PLEKHM3: variants seen among roughly 807,000 people sequenced by gnomAD.
PLEKHM3 encodes pleckstrin homology domain containing M3.
PLEKHM3 carries 45 observed loss-of-function variants against 81.8 expected under a neutral mutation model. The ratio of observed to expected loss-of-function variants is 0.55; its 90% confidence interval spans 0.43 to 0.71. The LOEUF (loss-of-function observed/expected upper bound fraction) is 0.71, where lower values mean the gene tolerates loss of function less well. Ranked by LOEUF, PLEKHM3 falls within the 30% of genes least tolerant of loss-of-function variation. The pLI is 0.00. For missense variants in PLEKHM3, 788 were observed against 924.3 expected, an observed-to-expected ratio of 0.85 and a Z score of 1.91; for synonymous variants, 352 against 356.4, an observed-to-expected ratio of 0.99 and a Z score of 0.14.
rs77740072 is a variant in PLEKHM3 at position 207,992,474 on chromosome 2, A to G, written c.610+8556T>C. On this transcript the variant is annotated intron_variant, in intron 2 of 7. Coordinates refer to ENST00000427836, the MANE Select transcript of PLEKHM3 (RefSeq NM_001080475.3). ...TTCATTCAACTTGAATCAAGCTGTAACTAAGGAGAAAGGAAAGAGTAGCCC... is the reference window on the plus strand; with the variant it reads ...TTCATTCAACTTGAATCAAGCTGTAGCTAAGGAGAAAGGAAAGAGTAGCCC... Among the ~76,000 whole-genome samples the G allele has an allele frequency of 8.5e-4, 129 of 152,312 alleles. 1 individual carries two copies. In the East Asian group the frequency reaches 0.022, roughly 26 times the overall value.
rs539807629 is a variant in PLEKHM3 at position 207,836,051 on chromosome 2, G to C, written c.2109-7555C>G. On this transcript the variant is annotated intron_variant, in intron 7 of 7. Transcript: ENST00000427836. ...AAGGGAGGACCAGAGTTCAACTTCT[G>C]TGGATGCTCTTGTGAGCACTCCTAA... is the stretch of plus-strand genomic sequence containing the variant. Among the ~76,000 whole-genome samples the C allele has an allele frequency of 2.6e-5, 4 of 152,300 alleles. No individual in the cohort carries two copies. The South Asian group carries it at 6.2e-4, about 24-fold the overall frequency.
intron 6 of PLEKHM3, among the ~76,000 whole-genome samples, chr2:207,890,836 G>A (rs947574340): frequency 2.0e-5 from 3 of 152,118 alleles, no homozygotes; most frequent in African/African-American, 7.2e-5. Flanking sequence ...TGGAGGATAT[G>A]ATTACCAAAG....
intron 6 of PLEKHM3, among the ~76,000 whole-genome samples, chr2:207,871,142 T>C (rs2092532118): frequency 6.6e-6 from 1 of 152,160 alleles, no homozygotes; most frequent in Non-Finnish European, 1.5e-5. Context: ...CCAAAGTATA[T>C]GGGATATTCC....
chr2:207,868,433 G>A (rs1054714972), intron 6 of PLEKHM3: 1 of 152,178 alleles, frequency 6.6e-6, no homozygotes, highest in Non-Finnish European at 1.5e-5. Context: ...CTGGGTATTG[G>A]GAAGTAGTGG....
chr2:207,951,418 C>T (rs1270137161), intron 3 of PLEKHM3, among the ~76,000 whole-genome samples: 1 of 152,156 alleles, frequency 6.6e-6, no homozygotes, highest in Non-Finnish European at 1.5e-5. Flanking sequence ...AAGAACACTC[C>T]ACATGTTGGA....
At chr2:207,927,845 T>C (rs897059630) in intron 5 of PLEKHM3, among the ~76,000 whole-genome samples, 6 of 152,176 alleles carry the variant, frequency 3.9e-5, no homozygotes, top group Admixed American at 1.3e-4. Context: ...GAAAAGAAAG[T>C]GTGGCCTGGC....
At chr2:207,926,274 T>G (rs1689390916) in intron 5 of PLEKHM3, among the ~76,000 whole-genome samples, 1 of 152,198 alleles carries the variant, frequency 6.6e-6, no homozygotes, top group African/African-American at 2.4e-5. Flanking sequence ...TGTGTGTGCA[T>G]GAAAACTCCT....
intron 7 of PLEKHM3, 117 bp from the exon 8 acceptor site, chr2:207,828,613 C>T: frequency 1.1e-6 from 1 of 936,878 alleles, no homozygotes; most frequent in Non-Finnish European, 1.6e-6. Context: ...GACAACCCTG[C>T]CAATGGGAAG....
chr2:207,829,727 A>T (rs1486228618), intron 7 of PLEKHM3, among the ~76,000 whole-genome samples: 1 of 152,090 alleles, frequency 6.6e-6, no homozygotes, highest in East Asian at 1.9e-4. Context: ...CACCTGTGTA[A>T]TTTTGTTCAG....
At chr2:207,923,233 C>T (rs913811234) in intron 5 of PLEKHM3, among the ~76,000 whole-genome samples, 2 of 152,064 alleles carry the variant, frequency 1.3e-5, no homozygotes, top group Non-Finnish European at 2.9e-5. Flanking sequence ...TACAGTAGTA[C>T]ATATGTTAGA....
intron 2 of PLEKHM3, among the ~76,000 whole-genome samples, chr2:207,982,218 T>G: frequency 1.0e-5 from 1 of 97,112 alleles, no homozygotes. Flanking sequence ...CGTTCCTCCC[T>G]CCCTCCCTCC....
intron 2 of PLEKHM3, among the ~76,000 whole-genome samples, chr2:207,994,662 CT>C (rs1355291808): frequency 6.6e-6 from 1 of 152,152 alleles, no homozygotes; most frequent in Admixed American, 6.5e-5. Flanking sequence ...CCTGAGAAAG[CT>C]TTGGTGTCCA....
At chr2:207,967,519 C>T (rs1690958484) in intron 3 of PLEKHM3, among the ~76,000 whole-genome samples, 1 of 152,172 alleles carries the variant, frequency 6.6e-6, no homozygotes, top group East Asian at 1.9e-4. Flanking sequence ...TCTGTCATTC[C>T]GCATATTAGC....
chr2:207,876,731 G>A (rs2092561901), intron 6 of PLEKHM3, among the ~76,000 whole-genome samples: 1 of 152,156 alleles, frequency 6.6e-6, no homozygotes, highest in African/African-American at 2.4e-5. Flanking sequence ...CAGTTAGGAC[G>A]CATATTGCCG....
intron 5 of PLEKHM3, among the ~76,000 whole-genome samples, chr2:207,914,085 G>T (rs1364527563): frequency 2.0e-5 from 3 of 152,190 alleles, no homozygotes; most frequent in Non-Finnish European, 2.9e-5. Flanking sequence ...GGGCGCAGTG[G>T]CTCACACCTG....
intron 1 of PLEKHM3, among the ~76,000 whole-genome samples, chr2:208,017,255 A>G (rs1692953738): frequency 6.6e-6 from 1 of 152,232 alleles, no homozygotes; most frequent in African/African-American, 2.4e-5. Context: ...GTGCAAATCA[A>G]ATAACATAAT....
intron 6 of PLEKHM3, among the ~76,000 whole-genome samples, chr2:207,875,563 C>G (rs2092555877): frequency 6.6e-6 from 1 of 152,174 alleles, no homozygotes; most frequent in African/African-American, 2.4e-5. Flanking sequence ...TGAATTTACA[C>G]TACAGAGATA....
intron 1 of PLEKHM3, among the ~76,000 whole-genome samples, chr2:208,005,961 T>C (rs555487296): frequency 2.6e-5 from 4 of 152,286 alleles, no homozygotes; most frequent in South Asian, 4.1e-4. Context: ...TTTGTCCAAA[T>C]TGGGACAAAA....
intron 7 of PLEKHM3, among the ~76,000 whole-genome samples, chr2:207,831,129 C>T (rs1172322132): frequency 1.3e-5 from 2 of 152,210 alleles, no homozygotes. Context: ...GCAAGGACTG[C>T]TCCGGCCAGG....
Sources: gnomAD v4.1 joint callset for allele counts (sites outside exome capture counted in the v4.1 genomes callset) on GRCh38, gnomAD v4.1.1 for gene constraint, MANE v1.5 for transcripts, NCBI Gene and HGNC (gene_info 2026-07-23, HGNC 2026-07-21) for gene names.